KPNA1: variants seen among roughly 807,000 people sequenced by gnomAD.
The protein encoded by KPNA1 is importin subunit alpha-5.
KPNA1 carries 10 observed loss-of-function variants against 70.5 expected under a neutral mutation model. That is an observed-to-expected ratio of 0.14 (90% CI 0.09 to 0.24). The LOEUF is 0.24. KPNA1 is among the 10% of genes least tolerant of loss of function. The pLI is 1.00. For synonymous variants in KPNA1, 192 were observed against 221.9 expected (o/e 0.87, Z 1.20); for missense variants, 397 against 637.9 (o/e 0.62, Z 4.07).
At chr3:122,435,846 CCT>C in intron 11 of KPNA1, among the ~76,000 whole-genome samples, 1 of 152,130 alleles carries the variant, frequency 6.6e-6, no homozygotes, top group East Asian at 1.9e-4. Context: ...GCCTCAGGAC[CCT>C]GTGATGATTG....
chr3:122,485,946 C>T (rs1290011199), intron 2 of KPNA1, among the ~76,000 whole-genome samples: 1 of 152,092 alleles, frequency 6.6e-6, no homozygotes, highest in African/African-American at 2.4e-5. Flanking sequence ...CTACATACTC[C>T]TCAGAATAGC....
intron 2 of KPNA1, among the ~76,000 whole-genome samples, chr3:122,485,349 AACAGACCTAT>A (rs890764929): frequency 6.6e-6 from 1 of 152,224 alleles, no homozygotes; most frequent in African/African-American, 2.4e-5. Flanking sequence ...GAGGTCCAGA[AACAGACCTAT>A]ACAGATATGG....
chr3:122,482,040 T>C (rs1421611632), intron 2 of KPNA1, among the ~76,000 whole-genome samples: 1 of 152,208 alleles, frequency 6.6e-6, no homozygotes, highest in Non-Finnish European at 1.5e-5. Flanking sequence ...CTTAATCTCA[T>C]AAAATACACA....
At chr3:122,432,263 GA>G (rs924388098) in intron 12 of KPNA1, among the ~76,000 whole-genome samples, 3 of 152,234 alleles carry the variant, frequency 2.0e-5, no homozygotes, top group African/African-American at 7.2e-5. Context: ...TCTAGAATCA[GA>G]ATTTTGGAGG....
intron 2 of KPNA1, among the ~76,000 whole-genome samples, chr3:122,492,346 A>T (rs574027511): frequency 6.6e-6 from 1 of 152,358 alleles, no homozygotes; most frequent in East Asian, 1.9e-4. Context: ...AATCTTGGCC[A>T]AATCATTCAA....
intron 2 of KPNA1, among the ~76,000 whole-genome samples, chr3:122,489,164 T>C (rs753354532): frequency 5.9e-5 from 9 of 152,124 alleles, no homozygotes; most frequent in Non-Finnish European, 1.0e-4. Context: ...AGTTCACTAA[T>C]CTTTTCTTCT....
chr3:122,497,415 A>G (rs909380464), intron 1 of KPNA1, among the ~76,000 whole-genome samples: 4 of 152,200 alleles, frequency 2.6e-5, no homozygotes, highest in Admixed American at 1.3e-4. Context: ...TTTTACACAG[A>G]TATGTTTTAA....
At chr3:122,478,634 A>T (rs1293201045) in intron 2 of KPNA1, among the ~76,000 whole-genome samples, 1 of 151,852 alleles carries the variant, frequency 6.6e-6, no homozygotes, top group Non-Finnish European at 1.5e-5. Context: ...AGGCAGGAGA[A>T]TTGCTTGAAC....
At chr3:122,510,346 C>G (rs2076941704) in intron 1 of KPNA1, among the ~76,000 whole-genome samples, 1 of 152,120 alleles carries the variant, frequency 6.6e-6, no homozygotes. Flanking sequence ...CCCTGGATAA[C>G]AACTATGAAA....
chr3:122,468,036 T>C (rs2076400625), intron 2 of KPNA1, among the ~76,000 whole-genome samples: 2 of 152,356 alleles, frequency 1.3e-5, no homozygotes, highest in South Asian at 2.1e-4. Context: ...GGGCAGCACA[T>C]TTATTCATCA....
chr3:122,452,143 T>C (rs2076208550), intron 6 of KPNA1, 79 bp from the exon 7 acceptor site: 2 of 895,528 alleles, frequency 2.2e-6, no homozygotes, highest in African/African-American at 3.3e-5. Flanking sequence ...TATATCACAA[T>C]AACACGTTCA....
intron 2 of KPNA1, among the ~76,000 whole-genome samples, chr3:122,481,701 G>A (rs2076573044): frequency 6.6e-6 from 1 of 152,216 alleles, no homozygotes; most frequent in Non-Finnish European, 1.5e-5. Context: ...CAATGAAACT[G>A]TTTTAAAGCC....
rs570490087 is a variant in KPNA1, at chr3:122,482,106, G to A, written c.129+14331C>T. ...ACATCACACGACTTCATCATCATGT[G>A]AACATCACAGATTGTAGTTACACAA... On this transcript the variant is annotated intron_variant, in intron 2 of 13. Coordinates refer to ENST00000344337, the MANE Select transcript of KPNA1 (RefSeq NM_002264.4). Among the ~76,000 whole-genome samples, 249 of 152,330 alleles carry A rather than the reference G, an allele frequency of 1.6e-3. 3 individuals carry two copies. The highest frequency in any genetic ancestry group is 3.7e-3 in the Admixed American group (57 of 15,308).
intron 1 of KPNA1, among the ~76,000 whole-genome samples, chr3:122,512,283 C>G (rs898411687): frequency 3.3e-5 from 5 of 151,370 alleles, no homozygotes; most frequent in African/African-American, 4.9e-5. Flanking sequence ...TTATAGGAAC[C>G]AATACATAAA....
chr3:122,509,438 G>GT (rs991993432), intron 1 of KPNA1, among the ~76,000 whole-genome samples: 3 of 152,092 alleles, frequency 2.0e-5, no homozygotes, highest in Non-Finnish European at 4.4e-5. Flanking sequence ...ATAACACAGG[G>GT]TATTTGAAAT....
intron 9 of KPNA1, among the ~76,000 whole-genome samples, chr3:122,447,162 T>C (rs1421235595): frequency 1.3e-5 from 2 of 152,162 alleles, no homozygotes; most frequent in South Asian, 2.1e-4. Context: ...CCTACCTAAC[T>C]CATTTTATGA....
At chr3:122,492,333 T>A (rs982705655) in intron 2 of KPNA1, among the ~76,000 whole-genome samples, 1 of 152,210 alleles carries the variant, frequency 6.6e-6, no homozygotes, top group Non-Finnish European at 1.5e-5. Flanking sequence ...TTATCTGCTA[T>A]GTAATCTTGG....
intron 13 of KPNA1, 68 bp from the exon 14 acceptor site, chr3:122,427,240 ATATTCCTAAACTAT>A (rs1464828274): frequency 1.2e-5 from 14 of 1,141,208 alleles, no homozygotes; most frequent in East Asian, 7.4e-5. Context: ...CCATAACTAT[ATATTCCTAAACTAT>A]ATTTTGTCAT....
chr3:122,451,636 A>G lies in KPNA1; in HGVS notation c.654-3T>C. The G allele has an allele frequency of 6.3e-7, 1 of 1,592,608 alleles. No homozygotes were observed. The highest frequency in any genetic ancestry group is 2.2e-5 in the East Asian group (1 of 44,764). On this transcript the variant is annotated splice_region_variant and splice_polypyrimidine_tract_variant and intron_variant, in intron 7 of 13. Transcript: ENST00000344337. ...GGCGGTTTTGCTTTGAAAATAACCT[A>G]AAAGCACGATGGTACAATGGTAAAC...
Sources: gnomAD v4.1 joint callset for allele counts (sites outside exome capture counted in the v4.1 genomes callset) on GRCh38, gnomAD v4.1.1 for gene constraint, MANE v1.5 for transcripts, NCBI Gene and HGNC (gene_info 2026-07-23, HGNC 2026-07-21) for gene names.